The following CPLX4 variants were observed in gnomAD, a reference collection of about 807,000 sequenced individuals.
CPLX4 encodes the protein complexin-4.
CPLX4 carries 17 observed loss-of-function variants against 16.1 expected under a neutral mutation model. The observed-to-expected ratio is 1.06, with a 90% confidence interval of 0.72 to 1.59. The LOEUF (loss-of-function observed/expected upper bound fraction) is 1.59, where lower values mean the gene tolerates loss of function less well. Among genes scored for constraint, CPLX4 ranks in the 40% most tolerant of loss-of-function variants. CPLX4 has a pLI of 0.00. For missense variants in CPLX4, 193 were observed against 192.9 expected (o/e 1.00, Z 0.00); for synonymous variants, 55 against 57.8 (o/e 0.95, Z 0.22).
At chr18:59,311,866 G>A (rs893064130) in intron 2 of CPLX4, among the ~76,000 whole-genome samples, 1 of 152,152 alleles carries the variant, frequency 6.6e-6, no homozygotes, top group South Asian at 2.1e-4. Flanking sequence ...CGACTCACTC[G>A]ACCACAGCCT....
intron 2 of CPLX4, among the ~76,000 whole-genome samples, chr18:59,301,798 C>T (rs919605533): frequency 6.6e-6 from 1 of 152,192 alleles, no homozygotes; most frequent in African/African-American, 2.4e-5. Context: ...GGGTTTGAGT[C>T]CCAGATCTGC....
chr18:59,309,822 CAAAAAAA>C (rs369580193), intron 2 of CPLX4, among the ~76,000 whole-genome samples: 3 of 87,026 alleles, frequency 3.4e-5, no homozygotes, highest in Non-Finnish European at 4.5e-5. Context: ...GACTCTGTGT[CAAAAAAA>C]AAAAAAAAAA....
chr18:59,300,104 G>A (rs2070530101), intron 2 of CPLX4, among the ~76,000 whole-genome samples: 1 of 152,198 alleles, frequency 6.6e-6, no homozygotes. Context: ...AGCTGAGGCG[G>A]GGGGATCACC....
chr18:59,299,614 TTGGG>T (rs2070526224), intron 2 of CPLX4, among the ~76,000 whole-genome samples: 1 of 152,158 alleles, frequency 6.6e-6, no homozygotes. Context: ...TGAAGAAGCT[TTGGG>T]ATGGTTTCCT....
rs1341296223 is a variant in CPLX4 at position 59,312,746 on chromosome 18, T to TAAAA, written c.193_194insTTTT (p.Gln65LeufsTer24). ...GAGGCATGCCCTTTCTGCCTTTTTC[T>TAAAA]GTGTAAATGCAGCATCTCTTTCCAT... On this transcript the variant is annotated frameshift_variant, in exon 2 of 3. Coordinates refer to ENST00000299721, the MANE Select transcript of CPLX4 (RefSeq NM_181654.4). LOFTEE classifies it high-confidence loss of function. 6.9e-7 allele frequency: 1 copy of TAAAA among 1,441,332 alleles called. No homozygotes were observed. The allele number at this position is 1,441,332 out of a possible 1,614,324, so 89.3% of individuals were successfully genotyped here. A position where few individuals can be genotyped will look rare whatever the true frequency, so the allele number is the denominator to read the frequency against.
chr18:59,312,894 G>T, intron 1 of CPLX4, 122 bp from the exon 2 acceptor site: 1 of 530,478 alleles, frequency 1.9e-6, no homozygotes, highest in South Asian at 3.2e-5. Context: ...AGACACTTGG[G>T]AACTATGGGA....
Position 59,295,403 on chromosome 18 carries a change from T to G in CPLX4, c.*1295A>C, listed in dbSNP as rs2070491808. ...TTAAACTTTGCCAAGGACCATAGGT[T>G]TTGGACCTCTATTCATTTGTTTTAT... On this transcript the variant is annotated 3_prime_UTR_variant, in exon 3 of 3. Transcript: ENST00000299721. The G allele has an allele frequency of 6.6e-6, 1 of 152,118 alleles. No individual in the cohort carries two copies. The highest frequency in any genetic ancestry group is 2.1e-4 in the South Asian group (1 of 4,828). The allele number at this position is 152,118 out of a possible 1,614,324, so 9.4% of individuals were successfully genotyped here. A position where few individuals can be genotyped will look rare whatever the true frequency, so the allele number is the denominator to read the frequency against.
intron 2 of CPLX4, among the ~76,000 whole-genome samples, chr18:59,308,409 T>A (rs1418664914): frequency 6.6e-6 from 1 of 152,012 alleles, no homozygotes; most frequent in Non-Finnish European, 1.5e-5. Flanking sequence ...TCTCCCGTTA[T>A]GCCATGGGAG....
At chr18:59,298,976 C>G (rs1487972371) in intron 2 of CPLX4, among the ~76,000 whole-genome samples, 1 of 152,164 alleles carries the variant, frequency 6.6e-6, no homozygotes, top group Non-Finnish European at 1.5e-5. Context: ...CAGTCTTCAC[C>G]CAGGCCCTCC....
chr18:59,296,457 A>G lies in CPLX4; in HGVS notation c.*241T>C. The stretch of plus-strand genomic sequence containing the variant: ...ATATGTGTTCTGCATCATCATTTAC[A>G]ACTGAAATTTTCCAGTTTATCTCAT... On this transcript the variant is annotated 3_prime_UTR_variant, in exon 3 of 3. Coordinates refer to ENST00000299721, the MANE Select transcript of CPLX4 (RefSeq NM_181654.4). 1 of 553,284 alleles carries G rather than the reference A, an allele frequency of 1.8e-6. No homozygotes were observed. Among genetic ancestry groups the G allele is most frequent in the Non-Finnish European group, 3.2e-6 (1 of 315,800 alleles). 34.3% of individuals were successfully genotyped at this position (553,284 alleles called of 1,614,324 possible). A position where few individuals can be genotyped will look rare whatever the true frequency, so the allele number is the denominator to read the frequency against.
chr18:59,318,568 C>T lies in CPLX4; in HGVS notation c.-106G>A, dbSNP rs147059616. 2.7e-6 allele frequency: 4 copies of T among 1,459,960 alleles called. No individual in the cohort carries two copies. Among genetic ancestry groups the T allele is most frequent in the East Asian group, 2.4e-5 (1 of 40,966 alleles). The allele number at this position is 1,459,960 out of a possible 1,614,324, so 90.4% of individuals were successfully genotyped here. Reference sequence around the variant, plus strand: ...CCAAATATTCTCAATGACAGCAATACATTTAAGAGCAAAGGACTTTGCACA... The same window carrying T: ...CCAAATATTCTCAATGACAGCAATATATTTAAGAGCAAAGGACTTTGCACA... On this transcript the variant is annotated 5_prime_UTR_variant, in exon 1 of 3. It removes an upstream start codon present in the reference 5' UTR. Coordinates refer to ENST00000299721, the MANE Select transcript of CPLX4 (RefSeq NM_181654.4).
At chr18:59,304,371 T>C (rs2070561496) in intron 2 of CPLX4, among the ~76,000 whole-genome samples, 1 of 152,240 alleles carries the variant, frequency 6.6e-6, no homozygotes, top group Non-Finnish European at 1.5e-5. Context: ...GAAAGAATCT[T>C]GTAGCTTTAT....
Position 59,301,587 on chromosome 18 carries a change from G to A in CPLX4, c.256-4662C>T, listed in dbSNP as rs76402726. 3.5e-3 allele frequency among the ~76,000 whole-genome samples: 533 copies of A among 152,344 alleles called. 3 individuals carry two copies. The highest frequency in any genetic ancestry group is 0.012 in the African/African-American group (513 of 41,580). On this transcript the variant is annotated intron_variant, in intron 2 of 2. Coordinates refer to ENST00000299721, the MANE Select transcript of CPLX4 (RefSeq NM_181654.4). The stretch of plus-strand genomic sequence containing the variant: ...CAGACAAGGCCGTTGAGTGGCTAGA[G>A]GAGAAAATGATGCCCTCTGGAACCA...
intron 2 of CPLX4, among the ~76,000 whole-genome samples, chr18:59,298,933 T>C (rs2070521271): frequency 6.6e-6 from 1 of 152,196 alleles, no homozygotes; most frequent in South Asian, 2.1e-4. Flanking sequence ...AGCAGATTTC[T>C]GATGCAGCAG....
At chr18:59,303,343 T>C (rs1054245919) in intron 2 of CPLX4, among the ~76,000 whole-genome samples, 1 of 152,178 alleles carries the variant, frequency 6.6e-6, no homozygotes, top group African/African-American at 2.4e-5. Context: ...AATTTCTAGA[T>C]ACCAGCTGTG....
At chr18:59,307,476 G>A (rs1159388061) in intron 2 of CPLX4, among the ~76,000 whole-genome samples, 1 of 152,174 alleles carries the variant, frequency 6.6e-6, no homozygotes, top group Non-Finnish European at 1.5e-5. Context: ...ATAAGGACTT[G>A]GGAATCTGTT....
rs534266717 is a variant in CPLX4 at position 59,315,723 on chromosome 18, A to T, written c.167+2573T>A. On this transcript the variant is annotated intron_variant, in intron 1 of 2. Transcript: ENST00000299721. ...AAATTAATTTTTGTGTATAGTGTTA[A>T]GTAGGGGTCAAAGTTCAATGTTTTT... Among the ~76,000 whole-genome samples the T allele has an allele frequency of 8.5e-5, 13 of 152,324 alleles. No individual in the cohort carries two copies. The East Asian group carries it at 2.3e-3, about 27-fold the overall frequency.
chr18:59,303,033 G>A (rs1276778738), intron 2 of CPLX4, among the ~76,000 whole-genome samples: 1 of 152,236 alleles, frequency 6.6e-6, no homozygotes, highest in African/African-American at 2.4e-5. Flanking sequence ...ACATAATGGT[G>A]AGGATCATGG....
Position 59,305,987 on chromosome 18 carries a change from T to A in CPLX4, c.255+6698A>T, listed in dbSNP as rs1293128238. Among the ~76,000 whole-genome samples the A allele has an allele frequency of 3.3e-5, 5 of 152,104 alleles. 1 individual carries two copies. The highest frequency in any genetic ancestry group is 3.3e-4 in the Admixed American group (5 of 15,266). ...TTAAGGAAGAAGAGATCACCAGTGC[T>A]AGAAGAAACAAAGAGGCCCCAAGAG... On this transcript the variant is annotated intron_variant, in intron 2 of 2. Transcript: ENST00000299721.
Sources: allele counts gnomAD v4.1 joint callset (sites outside exome capture counted in the v4.1 genomes callset), GRCh38; gene constraint gnomAD v4.1.1; transcripts MANE v1.5; gene names NCBI Gene and HGNC (gene_info 2026-07-23, HGNC 2026-07-21).